The following TBC1D12 variants were observed in gnomAD, a reference collection of about 807,000 sequenced individuals.
TBC1D12 encodes the protein TBC1 domain family member 12, also known as TBC1 domain family, member 12.
Under a neutral mutation model 86.7 loss-of-function variants are expected in TBC1D12, and 56 were observed. That is an observed-to-expected ratio of 0.65 (90% CI 0.52 to 0.81). The LOEUF (loss-of-function observed/expected upper bound fraction) is 0.81. Among genes scored for constraint, TBC1D12 ranks in the 30% least tolerant of loss-of-function variants. The pLI, the probability that TBC1D12 is intolerant of heterozygous loss-of-function variation, is 0.00. For synonymous variants in TBC1D12, 421 were observed against 411.7 expected, an observed-to-expected ratio of 1.02 and a Z score of -0.27; for missense variants, 1,023 against 1,038.8, an observed-to-expected ratio of 0.98 and a Z score of 0.21.
intron 2 of TBC1D12, among the ~76,000 whole-genome samples, chr10:94,446,421 G>T (rs2055462984): frequency 6.6e-6 from 1 of 152,214 alleles, no homozygotes; most frequent in African/African-American, 2.4e-5. Context: ...TTGGAGAAAT[G>T]ATGCCTCACT....
chr10:94,422,225 G>GTGT (rs2055084968), intron 1 of TBC1D12, among the ~76,000 whole-genome samples: 1 of 126,552 alleles, frequency 7.9e-6, no homozygotes, highest in Non-Finnish European at 1.6e-5. Context: ...GAGTCTCGCT[G>GTGT]TGTCACCAGG....
At chr10:94,457,971 A>G (rs1341704476) in intron 2 of TBC1D12, among the ~76,000 whole-genome samples, 2 of 152,136 alleles carry the variant, frequency 1.3e-5, no homozygotes, top group African/African-American at 2.4e-5. Flanking sequence ...TATTACTGCC[A>G]TTCGTTTTAC....
chr10:94,414,889 T>C (rs532032087), intron 1 of TBC1D12, among the ~76,000 whole-genome samples: 3 of 152,156 alleles, frequency 2.0e-5, no homozygotes, highest in Non-Finnish European at 2.9e-5. Context: ...CAAACTGAAC[T>C]ATTTTTTAAT....
rs918329970 is a variant in TBC1D12 at position 94,403,580 on chromosome 10, A to G, written c.967A>G (p.Thr323Ala). The part of the protein sequence containing the change: ...RRSGGFADFF[T>A]RNLFPKRTKE... ...GAGTGGCGGCTTCGCGGACTTCTTC[A>G]CCAGGTACAGCGCAGGCTGCATGGG... The change falls in exon 1 of 13, where the codon ACC (threonine) becomes GCC (alanine). Residue 323 changes from threonine to alanine, a missense_variant. Thr to Ala is a moderately conservative substitution (Grantham distance 58). This residue lies in a region of TBC1D12 where 628 missense variants were observed against 531.1 expected (regional missense o/e 1.18). Coordinates refer to ENST00000225235, the MANE Select transcript of TBC1D12 (RefSeq NM_015188.2). The G allele has an allele frequency of 2.5e-5, 37 of 1,463,850 alleles. No individual in the cohort carries two copies. Among genetic ancestry groups the G allele is most frequent in the Non-Finnish European group, 3.2e-5 (36 of 1,117,610 alleles). The allele number at this position is 1,463,850 out of a possible 1,614,324, so 90.7% of individuals were successfully genotyped here.
rs746503767 is a variant in TBC1D12, at chr10:94,507,341, A to G, written c.1594A>G (p.Thr532Ala). 3.8e-6 allele frequency: 6 copies of G among 1,595,474 alleles called. No homozygotes were observed. Among genetic ancestry groups the G allele is most frequent in the African/African-American group, 2.7e-5 (2 of 73,592 alleles). Reference sequence around the variant, plus strand: ...CAGTGAAACAAGTTCAGAGAATGATACAGAAGGTGTGATTTCTTTTTTTAA... The same window carrying G: ...CAGTGAAACAAGTTCAGAGAATGATGCAGAAGGTGTGATTTCTTTTTTTAA... Reference protein sequence around the residue: ...SFSETSSENDTEGVSVADREA... With the variant: ...SFSETSSENDAEGVSVADREA... Residue 532 changes from threonine to alanine, a missense_variant, in exon 7 of 13, where the codon ACA (threonine) becomes GCA (alanine). Physicochemically the swap from Thr to Ala is moderately conservative, Grantham distance 58. Around this residue, in one of 2 missense-constraint regions of TBC1D12, gnomAD observed 395 missense variants for 507.7 expected, o/e 0.78. Coordinates refer to ENST00000225235, the MANE Select transcript of TBC1D12 (RefSeq NM_015188.2).
intron 7 of TBC1D12, chr10:94,509,616 C>T (rs1228894891): frequency 6.5e-6 from 1 of 153,694 alleles, no homozygotes; most frequent in Non-Finnish European, 1.4e-5. Flanking sequence ...CTTCCTCCAA[C>T]TAGGGTGACT....
intron 3 of TBC1D12, among the ~76,000 whole-genome samples, chr10:94,483,159 A>G (rs1018929004): frequency 1.3e-5 from 2 of 150,514 alleles, no homozygotes; most frequent in African/African-American, 4.9e-5. Context: ...TTACCCACTC[A>G]TCTGTTGATG....
chr10:94,403,364 A>G lies in TBC1D12; in HGVS notation c.751A>G (p.Thr251Ala), dbSNP rs750994768. 41 of 1,528,246 alleles carry G rather than the reference A, an allele frequency of 2.7e-5. No homozygotes were observed. The highest frequency in any genetic ancestry group is 3.4e-5 in the Non-Finnish European group (39 of 1,138,390). The allele number at this position is 1,528,246 out of a possible 1,614,324, so 94.7% of individuals were successfully genotyped here. A position where few individuals can be genotyped will look rare whatever the true frequency, so the allele number is the denominator to read the frequency against. Residue 251 changes from threonine (T) to alanine (A), a missense_variant, in exon 1 of 13, where the codon ACC becomes GCC. Thr to Ala is a moderately conservative substitution (Grantham distance 58, BLOSUM62 0). Around this residue, in one of 2 missense-constraint regions of TBC1D12, gnomAD observed 628 missense variants for 531.1 expected, o/e 1.18. Coordinates refer to ENST00000225235, the MANE Select transcript of TBC1D12 (RefSeq NM_015188.2). ...GGPEEGAPPA[T>A]SAERTNGGAE... ...TCCCGAGGAGGGCGCGCCCCCTGCC[A>G]CCTCGGCCGAGAGGACTAATGGGGG... is the stretch of plus-strand genomic sequence containing the variant.
At chr10:94,487,499 C>A (rs1182277543) in intron 3 of TBC1D12, among the ~76,000 whole-genome samples, 1 of 151,090 alleles carries the variant, frequency 6.6e-6, no homozygotes, top group Non-Finnish European at 1.5e-5. Flanking sequence ...TTTGAGGTTA[C>A]CATGTGGCTT....
intron 2 of TBC1D12, among the ~76,000 whole-genome samples, chr10:94,445,957 A>G (rs2134096659): frequency 6.6e-6 from 1 of 152,266 alleles, no homozygotes; most frequent in South Asian, 2.1e-4. Flanking sequence ...AAAAAAAAAA[A>G]AAAGTATTAC....
chr10:94,413,300 C>T (rs2054951913), intron 1 of TBC1D12, among the ~76,000 whole-genome samples: 1 of 152,094 alleles, frequency 6.6e-6, no homozygotes, highest in Non-Finnish European at 1.5e-5. Context: ...CTTTTATTTT[C>T]ATTTTATGCT....
At chr10:94,410,194 T>C (rs2054912031) in intron 1 of TBC1D12, among the ~76,000 whole-genome samples, 1 of 152,180 alleles carries the variant, frequency 6.6e-6, no homozygotes, top group Admixed American at 6.5e-5. Context: ...AACAAGATGG[T>C]ATTAATTTAA....
chr10:94,458,231 G>A (rs377237694), intron 2 of TBC1D12, among the ~76,000 whole-genome samples: 8 of 151,834 alleles, frequency 5.3e-5, no homozygotes, highest in African/African-American at 1.9e-4. Context: ...CATAGGAATG[G>A]GCCTAGTGAC....
In TBC1D12 at chr10:94,533,058, G is replaced by A. The variant is rs1353101270; in HGVS notation, c.2290G>A (p.Glu764Lys). ...TGCATCTGTAATGAAGGATATTAAA[G>A]AAGGAGACAAGAACAGTAGTCCTGC... ...VFASVMKDIK[E>K]GDKNSSPALK... is the part of the protein sequence containing the mutation. The change falls in exon 13 of 13, where the codon GAA (glutamate) becomes AAA (lysine). Residue 764 changes from glutamate (E) to lysine (K), a missense_variant. Around this residue, in one of 2 missense-constraint regions of TBC1D12, gnomAD observed 395 missense variants for 507.7 expected, o/e 0.78. Coordinates refer to ENST00000225235, the MANE Select transcript of TBC1D12 (RefSeq NM_015188.2). 1.3e-6 allele frequency: 2 copies of A among 1,595,138 alleles called. No individual in the cohort carries two copies. The highest frequency in any genetic ancestry group is 1.7e-6 in the Non-Finnish European group (2 of 1,169,724).
chr10:94,530,946 G>A (rs1250167796), intron 11 of TBC1D12, among the ~76,000 whole-genome samples: 1 of 133,942 alleles, frequency 7.5e-6, no homozygotes. Context: ...TGCAACCTCC[G>A]CCTCCTGGGT....
At chr10:94,522,798 G>A (rs895449213) in intron 11 of TBC1D12, among the ~76,000 whole-genome samples, 1 of 151,972 alleles carries the variant, frequency 6.6e-6, no homozygotes, top group African/African-American at 2.4e-5. Flanking sequence ...GCTCATGCCT[G>A]TAATCTTAGC....
At chr10:94,487,425 A>AT (rs372982329) in intron 3 of TBC1D12, among the ~76,000 whole-genome samples, 3,238 of 142,378 alleles carry the variant, frequency 0.023, 121 homozygotes, top group African/African-American at 0.076. Context: ...AGTGAAAGTG[A>AT]TTTTTTTTTT....
At chr10:94,492,215 A>G (rs912280473) in intron 3 of TBC1D12, among the ~76,000 whole-genome samples, 1 of 152,198 alleles carries the variant, frequency 6.6e-6, no homozygotes, top group African/African-American at 2.4e-5. Flanking sequence ...AACCTGGTAT[A>G]TATAGGGTTT....
At chr10:94,433,821 G>A (rs2055253720) in intron 1 of TBC1D12, among the ~76,000 whole-genome samples, 1 of 151,916 alleles carries the variant, frequency 6.6e-6, no homozygotes, top group Non-Finnish European at 1.5e-5. Flanking sequence ...TGGTGTCTCT[G>A]CTTTAATAAT....
Sources: allele counts gnomAD v4.1 joint callset (sites outside exome capture counted in the v4.1 genomes callset), GRCh38; gene constraint gnomAD v4.1.1; regional missense constraint gnomAD v4.1.1; transcripts MANE v1.5; gene names NCBI Gene and HGNC (gene_info 2026-07-23, HGNC 2026-07-21).